KLF13: variants seen among roughly 807,000 people sequenced by gnomAD.
KLF13 encodes the protein Krueppel-like factor 13.
KLF13 carries 8 observed loss-of-function variants against 16.7 expected under a neutral mutation model. The ratio of observed to expected loss-of-function variants is 0.48; its 90% CI spans 0.28 to 0.87. The LOEUF is 0.87. Among genes scored for constraint, KLF13 ranks in the 40% least tolerant of loss-of-function variants. The probability of loss-of-function intolerance (pLI) is 0.10; values close to 1 mark genes in which losing one functional copy is unlikely to be tolerated. For synonymous variants in KLF13, 245 were observed against 208.4 expected, an observed-to-expected ratio of 1.18 and a Z score of -1.51; for missense variants, 447 against 452.2, an observed-to-expected ratio of 0.99 and a Z score of 0.10.
intron 1 of KLF13, among the ~76,000 whole-genome samples, chr15:31,332,974 A>G (rs960952071): frequency 1.3e-5 from 2 of 152,204 alleles, no homozygotes; most frequent in African/African-American, 2.4e-5. Flanking sequence ...ACACTCTAGC[A>G]GGGATCTTGA....
At chr15:31,356,522 A>T (rs2039302833) in intron 1 of KLF13, among the ~76,000 whole-genome samples, 1 of 152,244 alleles carries the variant, frequency 6.6e-6, no homozygotes, top group South Asian at 2.1e-4. Flanking sequence ...ACTGCACTCC[A>T]GCCTGGGCGA....
At chr15:31,368,564 A>G (rs1344887053) in intron 1 of KLF13, among the ~76,000 whole-genome samples, 3 of 152,208 alleles carry the variant, frequency 2.0e-5, no homozygotes, top group Non-Finnish European at 4.4e-5. Context: ...GATTTTTTTA[A>G]AAGGCCCAAG....
chr15:31,350,450 C>CT (rs2039198747), intron 1 of KLF13, among the ~76,000 whole-genome samples: 1 of 152,210 alleles, frequency 6.6e-6, no homozygotes, highest in Non-Finnish European at 1.5e-5. Context: ...AGGAGGGAGT[C>CT]TATGTGGTTC....
intron 1 of KLF13, among the ~76,000 whole-genome samples, chr15:31,433,793 G>C (rs2040499256): frequency 6.6e-6 from 1 of 152,196 alleles, no homozygotes; most frequent in Admixed American, 6.5e-5. Context: ...GGCCACTCAG[G>C]CTCCATGCAA....
At chr15:31,420,568 T>A (rs1318278016) in intron 1 of KLF13, 2 of 484,858 alleles carry the variant, frequency 4.1e-6, no homozygotes, top group Non-Finnish European at 7.7e-6. Context: ...TTGATAGCCC[T>A]TTGAACATGC....
intron 2 of KLF13, among the ~76,000 whole-genome samples, chr15:31,394,763 T>C (rs1230156692): frequency 6.6e-6 from 1 of 152,174 alleles, no homozygotes; most frequent in Non-Finnish European, 1.5e-5. Context: ...TTATAGAATA[T>C]TGCCTCAAAA....
chr15:31,357,819 C>T (rs1344381046), intron 1 of KLF13, among the ~76,000 whole-genome samples: 8 of 152,226 alleles, frequency 5.3e-5, no homozygotes, highest in Admixed American at 5.2e-4. Flanking sequence ...CACCCCCACC[C>T]CCGCCAGAGA....
chr15:31,350,323 A>G (rs1291134298), intron 1 of KLF13, among the ~76,000 whole-genome samples: 1 of 152,192 alleles, frequency 6.6e-6, no homozygotes, highest in African/African-American at 2.4e-5. Context: ...TGCCGACCAC[A>G]TTGGTCCGTT....
chr15:31,327,428 C>T lies in KLF13; in HGVS notation c.216C>T (p.Asn72=). 7.9e-7 allele frequency: 1 copy of T among 1,262,758 alleles called. No homozygotes were observed. Among genetic ancestry groups the T allele is most frequent in the Non-Finnish European group, 1.0e-6 (1 of 1,003,762 alleles). 78.2% of individuals were successfully genotyped at this position (1,262,758 alleles called of 1,614,324 possible). A position where few individuals can be genotyped will look rare whatever the true frequency, so the allele number is the denominator to read the frequency against. ...FVVARILADL[N]QQAPAPAPAE... ...TGGCGCGGATCCTAGCGGACCTCAA[C>T]CAGCAAGCGCCGGCGCCCGCCCCGG... The change falls in exon 1 of 2, where the codon AAC becomes AAT. Residue 72 remains asparagine (N), a synonymous_variant. Transcript: ENST00000307145.
intron 1 of KLF13, among the ~76,000 whole-genome samples, chr15:31,333,314 G>A (rs58958121): frequency 0.012 from 1,785 of 152,328 alleles, 45 homozygotes; most frequent in African/African-American, 0.041. Flanking sequence ...AGCCTGGGCA[G>A]CCGCCCCCGA....
intron 2 of KLF13, among the ~76,000 whole-genome samples, chr15:31,394,443 G>A (rs1442831538): frequency 6.6e-6 from 1 of 151,660 alleles, no homozygotes; most frequent in Non-Finnish European, 1.5e-5. Context: ...GCCCAGATTG[G>A]GCCACTGCCC....
At chr15:31,362,441 C>T (rs886515026) in intron 1 of KLF13, among the ~76,000 whole-genome samples, 13 of 152,142 alleles carry the variant, frequency 8.5e-5, no homozygotes, top group African/African-American at 3.1e-4. Flanking sequence ...GGAGAATCTG[C>T]CTGGGCGACC....
Position 31,365,885 on chromosome 15 carries a change from G to A in KLF13, c.578-6125G>A, listed in dbSNP as rs1037510754. On this transcript the variant is annotated intron_variant, in intron 1 of 1. Coordinates refer to ENST00000307145, the MANE Select transcript of KLF13 (RefSeq NM_015995.4). ...CAGCTGAAGGAGAGAGAGCCCCTGC[G>A]CCCCCCTTCCGGCTGGCTCTCTGAG... 2.6e-5 allele frequency among the ~76,000 whole-genome samples: 4 copies of A among 152,226 alleles called. No individual in the cohort carries two copies. In the East Asian group the frequency reaches 7.7e-4, roughly 29 times the overall value.
intron 1 of KLF13, among the ~76,000 whole-genome samples, chr15:31,426,907 C>T (rs1314372996): frequency 1.3e-5 from 2 of 152,154 alleles, no homozygotes; most frequent in Non-Finnish European, 2.9e-5. Context: ...CTTTTTCTCT[C>T]CTAGAGCTGG....
chr15:31,327,902 A>C (rs2140925399), intron 1 of KLF13, 113 bp downstream of exon 1: 16 of 1,110,882 alleles, frequency 1.4e-5, no homozygotes, highest in Non-Finnish European at 1.4e-5. Context: ...GCGGGCCGGA[A>C]CGCCCGGGGC....
At chr15:31,407,007 T>A (rs534383038), downstream of KLF13, among the ~76,000 whole-genome samples, 2 of 152,344 alleles carry the variant, frequency 1.3e-5, no homozygotes, top group Admixed American at 1.3e-4. Flanking sequence ...AGTCCCTTTT[T>A]CCATGTGAGA....
At chr15:31,367,248 A>G (rs1469452771) in intron 1 of KLF13, among the ~76,000 whole-genome samples, 1 of 151,906 alleles carries the variant, frequency 6.6e-6, no homozygotes, top group African/African-American at 2.4e-5. Flanking sequence ...CTGAGCCATA[A>G]CTCCTGTTGT....
intron 1 of KLF13, among the ~76,000 whole-genome samples, chr15:31,360,228 G>C (rs2039361336): frequency 6.6e-6 from 1 of 152,212 alleles, no homozygotes. Context: ...TAGGAAACAG[G>C]GCCAGCAGGA....
At chr15:31,424,745 T>C (rs988690052) in intron 1 of KLF13, among the ~76,000 whole-genome samples, 4 of 152,138 alleles carry the variant, frequency 2.6e-5, no homozygotes, top group African/African-American at 9.7e-5. Flanking sequence ...GCCACTTCTA[T>C]TCAACATAGT....
Sources: allele counts gnomAD v4.1 joint callset (sites outside exome capture counted in the v4.1 genomes callset), GRCh38; gene constraint gnomAD v4.1.1; transcripts MANE v1.5; gene names NCBI Gene and HGNC (gene_info 2026-07-23, HGNC 2026-07-21).